The following SPATA17 variants were observed in gnomAD, a reference collection of about 807,000 sequenced individuals.
SPATA17 encodes the protein spermatogenesis associated 17, also known as spermatogenesis-associated protein 17.
In SPATA17, 53 loss-of-function variants were observed where a neutral mutation model predicts 62.2. That is an observed-to-expected ratio of 0.85 (90% CI 0.68 to 1.07). The LOEUF (loss-of-function observed/expected upper bound fraction) is 1.07, where lower values mean the gene tolerates loss of function less well. SPATA17 is among the 50% of genes least tolerant of loss of function. The probability of loss-of-function intolerance (pLI) is 0.00; values close to 1 mark genes in which losing one functional copy is unlikely to be tolerated. For missense variants in SPATA17, 466 were observed against 425.5 expected, an observed-to-expected ratio of 1.10 and a Z score of -0.84; for synonymous variants, 146 against 146.8, an observed-to-expected ratio of 0.99 and a Z score of 0.04.
intron 3 of SPATA17, among the ~76,000 whole-genome samples, chr1:217,656,036 C>T (rs548243536): frequency 6.6e-6 from 1 of 151,888 alleles, no homozygotes; most frequent in East Asian, 1.9e-4. Context: ...TCCCCCACCC[C>T]CCACGCCCGG....
At chr1:217,805,557 G>T (rs1047052328) in intron 9 of SPATA17, among the ~76,000 whole-genome samples, 4 of 152,128 alleles carry the variant, frequency 2.6e-5, no homozygotes, top group African/African-American at 7.2e-5. Flanking sequence ...AGAAATAACT[G>T]TGCTAAATCT....
At chr1:217,730,085 T>A (rs1293599001) in intron 5 of SPATA17, among the ~76,000 whole-genome samples, 2 of 152,160 alleles carry the variant, frequency 1.3e-5, no homozygotes, top group Non-Finnish European at 2.9e-5. Context: ...TATGTCCCAT[T>A]AACAAAATGG....
At chr1:217,706,853 T>C (rs1671747982) in intron 5 of SPATA17, among the ~76,000 whole-genome samples, 1 of 149,976 alleles carries the variant, frequency 6.7e-6, no homozygotes, top group African/African-American at 2.5e-5. Flanking sequence ...TATTTCTTTC[T>C]TCCTTTCTTT....
intron 9 of SPATA17, among the ~76,000 whole-genome samples, chr1:217,862,211 A>G (rs946195947): frequency 1.3e-5 from 2 of 152,126 alleles, no homozygotes; most frequent in East Asian, 3.9e-4. Flanking sequence ...TAATGACTTC[A>G]CCTGTTTTAA....
intron 5 of SPATA17, among the ~76,000 whole-genome samples, chr1:217,689,044 C>A (rs1209234541): frequency 6.6e-6 from 1 of 152,004 alleles, no homozygotes; most frequent in African/African-American, 2.4e-5. Flanking sequence ...TTTTTTCTGT[C>A]TTAATAAGTC....
intron 5 of SPATA17, among the ~76,000 whole-genome samples, chr1:217,694,296 C>G (rs1185866586): frequency 1.4e-4 from 16 of 115,162 alleles, no homozygotes; most frequent in African/African-American, 5.9e-4. Flanking sequence ...TCTGTTTTAT[C>G]AGAGACTAGG....
At chr1:217,754,647 C>T (rs957173254) in intron 6 of SPATA17, among the ~76,000 whole-genome samples, 5 of 152,108 alleles carry the variant, frequency 3.3e-5, no homozygotes, top group African/African-American at 1.2e-4. Flanking sequence ...AGAAGAATAA[C>T]TTTATATAGA....
chr1:217,787,819 G>A (rs973474179), intron 8 of SPATA17, among the ~76,000 whole-genome samples: 2 of 152,054 alleles, frequency 1.3e-5, no homozygotes, highest in Non-Finnish European at 2.9e-5. Flanking sequence ...TTGGTTACAT[G>A]TGCAATTATA....
intron 4 of SPATA17, among the ~76,000 whole-genome samples, chr1:217,675,463 A>G (rs531955962): frequency 2.6e-5 from 4 of 152,258 alleles, no homozygotes; most frequent in Non-Finnish European, 1.5e-5. Flanking sequence ...CTGATATGAA[A>G]TGTTCATTGT....
chr1:217,737,358 G>C lies in SPATA17; in HGVS notation c.396-4617G>C, dbSNP rs554576047. Among the ~76,000 whole-genome samples, 298 of 152,290 alleles carry C rather than the reference G, an allele frequency of 2.0e-3. 4 individuals are homozygous for C. Among genetic ancestry groups the C allele is most frequent in the South Asian group, 0.017 (83 of 4,820 alleles). ...TTGGGTGGCTCAATACCAGCTCAAT[G>C]ATGGTTAGAAAAGGGGGTCATAGAT... is the stretch of plus-strand genomic sequence containing the variant. On this transcript the variant is annotated intron_variant, in intron 5 of 10. Coordinates refer to ENST00000366933, the MANE Select transcript of SPATA17 (RefSeq NM_138796.4).
intron 9 of SPATA17, among the ~76,000 whole-genome samples, chr1:217,860,170 G>T (rs531191544): frequency 5.3e-5 from 8 of 152,224 alleles, no homozygotes; most frequent in African/African-American, 1.9e-4. Context: ...GTGTTATTTA[G>T]AAGTGCATTG....
At chr1:217,817,244 T>C (rs1173883125) in intron 9 of SPATA17, among the ~76,000 whole-genome samples, 2 of 152,096 alleles carry the variant, frequency 1.3e-5, no homozygotes, top group South Asian at 2.1e-4. Flanking sequence ...AAATCGCATC[T>C]TGAATTGTAG....
intron 1 of SPATA17, among the ~76,000 whole-genome samples, chr1:217,639,569 TTA>T (rs1670010812): frequency 6.6e-6 from 1 of 152,166 alleles, no homozygotes. Context: ...TAAATAAGCA[TTA>T]TGTTACTGTG....
intron 8 of SPATA17, among the ~76,000 whole-genome samples, chr1:217,796,204 T>C (rs1674148878): frequency 6.6e-6 from 1 of 152,202 alleles, no homozygotes; most frequent in Non-Finnish European, 1.5e-5. Flanking sequence ...AAGAAGAGCC[T>C]ATGTGAATGC....
At chr1:217,806,202 G>T (rs1221096881) in intron 9 of SPATA17, among the ~76,000 whole-genome samples, 3 of 152,176 alleles carry the variant, frequency 2.0e-5, no homozygotes, top group African/African-American at 4.8e-5. Flanking sequence ...ATCCTTTTTG[G>T]TTCAATATTT....
intron 6 of SPATA17, among the ~76,000 whole-genome samples, chr1:217,769,722 A>G (rs1203033121): frequency 1.3e-5 from 2 of 152,228 alleles, no homozygotes; most frequent in Non-Finnish European, 2.9e-5. Flanking sequence ...CTTTATATAG[A>G]TAAGTTCTGA....
intron 5 of SPATA17, among the ~76,000 whole-genome samples, chr1:217,716,538 A>G (rs1035373957): frequency 6.6e-6 from 1 of 152,210 alleles, no homozygotes; most frequent in Non-Finnish European, 1.5e-5. Flanking sequence ...ATGCTTGCTG[A>G]TAAAATATTC....
intron 5 of SPATA17, among the ~76,000 whole-genome samples, chr1:217,697,706 A>G (rs1307409411): frequency 6.6e-6 from 1 of 152,088 alleles, no homozygotes; most frequent in Non-Finnish European, 1.5e-5. Context: ...GAAAACATTT[A>G]TTTCTCAAGG....
chr1:217,693,576 G>T (rs1453597527), intron 5 of SPATA17, among the ~76,000 whole-genome samples: 1 of 126,858 alleles, frequency 7.9e-6, no homozygotes, highest in Non-Finnish European at 1.6e-5. Context: ...TCTTTTAATT[G>T]TGATGTTACG....
Sources: gnomAD v4.1 joint callset for allele counts (sites outside exome capture counted in the v4.1 genomes callset) on GRCh38, gnomAD v4.1.1 for gene constraint, MANE v1.5 for transcripts, NCBI Gene and HGNC (gene_info 2026-07-23, HGNC 2026-07-21) for gene names.